HTR1F: variants seen among roughly 807,000 people sequenced by gnomAD.
HTR1F encodes 5-hydroxytryptamine (serotonin) receptor 1F, G protein-coupled.
In HTR1F, 17 loss-of-function variants were observed where a neutral mutation model predicts 24.0. The observed-to-expected ratio is 0.71, with a 90% CI of 0.48 to 1.06. The LOEUF (loss-of-function observed/expected upper bound fraction) is 1.06, where lower values mean the gene tolerates loss of function less well. HTR1F is among the 50% of genes least tolerant of loss of function. The pLI, the probability that HTR1F is intolerant of heterozygous loss-of-function variation, is 0.00. For synonymous variants in HTR1F, 186 were observed against 156.8 expected, an observed-to-expected ratio of 1.19 and a Z score of -1.39; for missense variants, 391 against 427.8, an observed-to-expected ratio of 0.91 and a Z score of 0.76.
At chr3:87,949,461 C>T (rs1168289709) in intron 2 of HTR1F, among the ~76,000 whole-genome samples, 1 of 152,254 alleles carries the variant, frequency 6.6e-6, no homozygotes, top group Non-Finnish European at 1.5e-5. Flanking sequence ...ATACAAATTT[C>T]CTTCAAGTCT....
chr3:87,924,901 G>A (rs2107386578), intron 2 of HTR1F, among the ~76,000 whole-genome samples: 1 of 152,190 alleles, frequency 6.6e-6, no homozygotes, highest in Non-Finnish European at 1.5e-5. Context: ...GGATCTGGAT[G>A]TTTTTAACTC....
intron 2 of HTR1F, among the ~76,000 whole-genome samples, chr3:87,958,826 G>A (rs1240223072): frequency 1.3e-5 from 2 of 151,486 alleles, no homozygotes; most frequent in South Asian, 2.1e-4. Flanking sequence ...GTTCCCACAG[G>A]ATCATATGTT....
At chr3:87,936,144 C>T (rs1704410600) in intron 2 of HTR1F, among the ~76,000 whole-genome samples, 1 of 152,198 alleles carries the variant, frequency 6.6e-6, no homozygotes, top group Non-Finnish European at 1.5e-5. Context: ...GCCACTGCAC[C>T]TAGCCTATTT....
intron 2 of HTR1F, among the ~76,000 whole-genome samples, chr3:87,909,296 T>C (rs532690816): frequency 6.6e-6 from 1 of 152,026 alleles, no homozygotes; most frequent in Non-Finnish European, 1.5e-5. Flanking sequence ...TACTGAAATT[T>C]TGGTGGTTTG....
intron 1 of HTR1F, among the ~76,000 whole-genome samples, chr3:87,819,606 A>G (rs977809079): frequency 4.6e-5 from 7 of 152,052 alleles, no homozygotes; most frequent in Non-Finnish European, 7.4e-5. Context: ...TTTCACATTC[A>G]TACATATGCT....
chr3:87,867,991 G>C (rs1402292906), intron 2 of HTR1F, among the ~76,000 whole-genome samples: 1 of 152,076 alleles, frequency 6.6e-6, no homozygotes, highest in African/African-American at 2.4e-5. Context: ...TATGGCTTAT[G>C]ATCCAGTTTG....
chr3:87,835,974 C>T (rs563104547), intron 2 of HTR1F, among the ~76,000 whole-genome samples: 1 of 152,164 alleles, frequency 6.6e-6, no homozygotes. Context: ...TTTATGGTCA[C>T]AAGAACTAAG....
chr3:87,941,072 C>A (rs2107439047), intron 2 of HTR1F, among the ~76,000 whole-genome samples: 1 of 152,284 alleles, frequency 6.6e-6, no homozygotes, highest in African/African-American at 2.4e-5. Context: ...GGTATTCCTG[C>A]TTTTTTCTGT....
intron 2 of HTR1F, among the ~76,000 whole-genome samples, chr3:87,934,228 G>C (rs1299471472): frequency 6.6e-6 from 1 of 152,186 alleles, no homozygotes; most frequent in Admixed American, 6.5e-5. Context: ...AGAGAAAGAT[G>C]GTGTGAAAAA....
chr3:87,954,689 A>G (rs1189857273), intron 2 of HTR1F, among the ~76,000 whole-genome samples: 1 of 151,694 alleles, frequency 6.6e-6, no homozygotes, highest in Non-Finnish European at 1.5e-5. Flanking sequence ...GAAAGCCACG[A>G]AGATAACCAA....
At chr3:87,798,736 C>T (rs1703946757) in intron 1 of HTR1F, among the ~76,000 whole-genome samples, 1 of 152,178 alleles carries the variant, frequency 6.6e-6, no homozygotes, top group South Asian at 2.1e-4. Flanking sequence ...TCAGAAGCTA[C>T]TGATCACTGA....
chr3:87,874,004 C>A (rs527253427), intron 2 of HTR1F, among the ~76,000 whole-genome samples: 72 of 152,102 alleles, frequency 4.7e-4, no homozygotes, highest in African/African-American at 1.4e-3. Context: ...ATATGAGAAG[C>A]CCACAGCTAA....
At chr3:87,812,984 C>A (rs1309275809) in intron 1 of HTR1F, among the ~76,000 whole-genome samples, 1 of 152,196 alleles carries the variant, frequency 6.6e-6, no homozygotes, top group African/African-American at 2.4e-5. Context: ...GTTGTCCAGG[C>A]AGAAGTCTGC....
intron 2 of HTR1F, among the ~76,000 whole-genome samples, chr3:87,850,139 C>T (rs1705048314): frequency 1.3e-5 from 2 of 151,914 alleles, no homozygotes; most frequent in South Asian, 2.1e-4. Context: ...AATCATGCTG[C>T]TATAAAGACA....
intron 2 of HTR1F, among the ~76,000 whole-genome samples, chr3:87,979,149 T>C (rs1394174454): frequency 1.2e-5 from 1 of 86,410 alleles, no homozygotes; most frequent in Non-Finnish European, 2.4e-5. Context: ...GGGAGGGAGA[T>C]GGGAAAGACT....
intron 2 of HTR1F, among the ~76,000 whole-genome samples, chr3:87,923,596 T>C (rs144909312): frequency 1.9e-4 from 29 of 152,170 alleles, no homozygotes; most frequent in African/African-American, 6.5e-4. Context: ...CCTGCAATGT[T>C]ACTGATTTTT....
intron 2 of HTR1F, among the ~76,000 whole-genome samples, chr3:87,833,357 A>G (rs1480619999): frequency 6.6e-6 from 1 of 152,144 alleles, no homozygotes; most frequent in Non-Finnish European, 1.5e-5. Context: ...AGCTTGCTAT[A>G]TCAAAATAAC....
At position 87,991,996 on chromosome 3, in the gene HTR1F, C is replaced by T; in HGVS notation, c.*146C>T. On this transcript the variant is annotated 3_prime_UTR_variant, in exon 3 of 3. Coordinates refer to ENST00000319595, the MANE Select transcript of HTR1F (RefSeq NM_001322209.2). ...AAGGCTATAATTTATATTTTAATAG[C>T]AATGTGAATATAAAAGTTATTGATC... is the stretch of plus-strand genomic sequence containing the variant. 1.7e-6 allele frequency: 1 copy of T among 600,258 alleles called. No individual in the cohort carries two copies. Among genetic ancestry groups the T allele is most frequent in the Non-Finnish European group, 2.8e-6 (1 of 362,358 alleles). 37.2% of individuals were successfully genotyped at this position (600,258 alleles called of 1,614,324 possible).
intron 2 of HTR1F, among the ~76,000 whole-genome samples, chr3:87,977,523 T>G (rs1357839648): frequency 6.6e-6 from 1 of 150,782 alleles, no homozygotes; most frequent in Non-Finnish European, 1.5e-5. Context: ...CTCAGCCTCC[T>G]GAGTAGCTGG....
Sources: allele counts gnomAD v4.1 joint callset (sites outside exome capture counted in the v4.1 genomes callset), GRCh38; gene constraint gnomAD v4.1.1; transcripts MANE v1.5; gene names NCBI Gene and HGNC (gene_info 2026-07-23, HGNC 2026-07-21).